Variants in GDPD4 observed in about 807,000 individuals in gnomAD.
GDPD4 encodes glycerophosphodiester phosphodiesterase 6.
Under a neutral mutation model 67.8 loss-of-function variants are expected in GDPD4, and 60 were observed. That is an observed-to-expected ratio of 0.88 (90% CI 0.72 to 1.10). GDPD4 has a LOEUF of 1.10. Ranked by LOEUF, GDPD4 falls within the 50% of genes least tolerant of loss-of-function variation. The probability of loss-of-function intolerance (pLI) is 0.00; values close to 1 mark genes in which losing one functional copy is unlikely to be tolerated. For missense variants in GDPD4, 623 were observed against 613.9 expected (o/e 1.01, Z -0.16); for synonymous variants, 212 against 210.9 (o/e 1.00, Z -0.04).
rs768058200 is a variant in GDPD4 at position 77,217,278 on chromosome 11, T to TATCTA, written c.1557_1561dup (p.Ter521LeufsTer4). 1.2e-6 allele frequency: 2 copies of TATCTA among 1,606,464 alleles called. No individual in the cohort carries two copies. The highest frequency in any genetic ancestry group is 1.7e-6 in the Non-Finnish European group (2 of 1,172,960). ...ATGGCTATGTGCAAATCTATCTATC[T>TATCTA]ATCTATCTTCCTCATTCTTACTTCC... On this transcript the variant is annotated frameshift_variant and stop_lost, in exon 17 of 17. Coordinates refer to ENST00000315938, the MANE Select transcript of GDPD4 (RefSeq NM_182833.3). LOFTEE classifies it high-confidence loss of function.
In GDPD4 at chr11:77,217,325, G is replaced by GA; in HGVS notation, c.1526-12dup. 1 of 1,593,086 alleles carries GA rather than the reference G, an allele frequency of 6.3e-7. No individual in the cohort carries two copies. The highest frequency in any genetic ancestry group is 1.7e-5 in the Admixed American group (1 of 60,004). On this transcript the variant is annotated splice_polypyrimidine_tract_variant and intron_variant, in intron 16 of 16. Coordinates refer to ENST00000315938, the MANE Select transcript of GDPD4 (RefSeq NM_182833.3). ...TTCCACTCTGAGTATCTGTGGGATG[G>GA]AAAAGACACAGATTCCTCAAATGTC...
At chr11:77,246,289 A>G (rs1214232424) in intron 11 of GDPD4, among the ~76,000 whole-genome samples, 1 of 152,216 alleles carries the variant, frequency 6.6e-6, no homozygotes, top group Non-Finnish European at 1.5e-5. Context: ...CCTGGGCAAT[A>G]GAGTGAGGCC....
chr11:77,279,930 A>C (rs535328236), intron 3 of GDPD4, among the ~76,000 whole-genome samples: 2 of 152,328 alleles, frequency 1.3e-5, no homozygotes, highest in East Asian at 3.9e-4. Flanking sequence ...GTATTACACA[A>C]AGAAATTTGA....
intron 16 of GDPD4, among the ~76,000 whole-genome samples, chr11:77,227,532 C>T (rs192991849): frequency 1.2e-4 from 19 of 152,330 alleles, no homozygotes; most frequent in African/African-American, 4.6e-4. Context: ...AGACATCTTT[C>T]GGTTATCTTC....
chr11:77,294,836 CATAT>C (rs937963054), intron 1 of GDPD4, among the ~76,000 whole-genome samples: 1 of 151,686 alleles, frequency 6.6e-6, no homozygotes. Context: ...GAAAAAGGCC[CATAT>C]ATATATGGTC....
intron 3 of GDPD4, among the ~76,000 whole-genome samples, chr11:77,282,373 G>A (rs1469250429): frequency 6.6e-6 from 1 of 151,938 alleles, no homozygotes; most frequent in African/African-American, 2.4e-5. Flanking sequence ...AAGAACACAG[G>A]GCTGGGTGCG....
At chr11:77,223,505 G>A (rs1330180754) in intron 16 of GDPD4, among the ~76,000 whole-genome samples, 1 of 152,174 alleles carries the variant, frequency 6.6e-6, no homozygotes, top group Admixed American at 6.5e-5. Context: ...CTGTTTGCCT[G>A]GGTATCACCA....
chr11:77,246,298 C>T (rs1047125891), intron 11 of GDPD4, among the ~76,000 whole-genome samples: 1 of 152,090 alleles, frequency 6.6e-6, no homozygotes, highest in Non-Finnish European at 1.5e-5. Flanking sequence ...TAGAGTGAGG[C>T]CCTATCTCTA....
chr11:77,257,442 C>CA (rs1959022315), intron 11 of GDPD4, among the ~76,000 whole-genome samples: 1 of 151,958 alleles, frequency 6.6e-6, no homozygotes, highest in Non-Finnish European at 1.5e-5. Flanking sequence ...TAAGCATTGC[C>CA]ATAATCTCCG....
chr11:77,263,998 T>C (rs1443816443), intron 10 of GDPD4, among the ~76,000 whole-genome samples: 1 of 152,158 alleles, frequency 6.6e-6, no homozygotes, highest in Non-Finnish European at 1.5e-5. Flanking sequence ...CTCCTATTGG[T>C]CCACACGAGG....
Position 77,224,919 on chromosome 11 carries a change from T to C in GDPD4, c.1525+2945A>G, listed in dbSNP as rs564028961. ...GAGTTTGAGATCAGCCTGGGCAACATAGTGAGATGCCATCTCTACCTTTTT... is the reference window on the plus strand; with the variant it reads ...GAGTTTGAGATCAGCCTGGGCAACACAGTGAGATGCCATCTCTACCTTTTT... On this transcript the variant is annotated intron_variant, in intron 16 of 16. Transcript: ENST00000315938. Among the ~76,000 whole-genome samples, 26 of 150,864 alleles carry C rather than the reference T, an allele frequency of 1.7e-4. No homozygotes were observed. The East Asian group carries it at 2.4e-3, about 14-fold the overall frequency.
intron 13 of GDPD4, among the ~76,000 whole-genome samples, chr11:77,238,168 G>C (rs1009218013): frequency 6.6e-5 from 10 of 152,096 alleles, no homozygotes; most frequent in African/African-American, 2.4e-4. Context: ...TAAACCCCTA[G>C]CAAGACTGAT....
Position 77,261,860 on chromosome 11 carries a change from G to A in GDPD4, c.708-3318C>T, listed in dbSNP as rs181518986. Among the ~76,000 whole-genome samples, 846 of 152,314 alleles carry A rather than the reference G, an allele frequency of 5.6e-3. 6 individuals are homozygous for A. Among genetic ancestry groups the A allele is most frequent in the Non-Finnish European group, 8.9e-3 (604 of 68,026 alleles). On this transcript the variant is annotated intron_variant, in intron 10 of 16. Coordinates refer to ENST00000315938, the MANE Select transcript of GDPD4 (RefSeq NM_182833.3). ...CCAAATTGTGGTATGCTGACATGCTGAAATAAAGAAGGCTGTTAGGCATAA... is the reference window on the plus strand; with the variant it reads ...CCAAATTGTGGTATGCTGACATGCTAAAATAAAGAAGGCTGTTAGGCATAA...
chr11:77,230,889 G>T (rs1005536011), intron 14 of GDPD4, among the ~76,000 whole-genome samples: 4 of 152,154 alleles, frequency 2.6e-5, no homozygotes, highest in Admixed American at 2.6e-4. Context: ...AACACTGTGA[G>T]AACTTTGAAA....
chr11:77,234,650 C>T (rs1467423688), intron 13 of GDPD4, among the ~76,000 whole-genome samples: 3 of 152,184 alleles, frequency 2.0e-5, no homozygotes, highest in East Asian at 1.9e-4. Context: ...CCTCCAGCTT[C>T]ATCTATGTGC....
Position 77,279,382 on chromosome 11 carries a change from G to T in GDPD4, c.71C>A (p.Thr24Lys), listed in dbSNP as rs375519795. The change falls in exon 4 of 17, where the codon ACA becomes AAA. Residue 24 changes from threonine to lysine, a missense_variant. Thr to Lys is a moderately conservative substitution (Grantham distance 78). Coordinates refer to ENST00000315938, the MANE Select transcript of GDPD4 (RefSeq NM_182833.3). ...FNFDWVTFLG[T>K]GYWFFWSIFI... Reference sequence around the variant, plus strand: ...AATAGACCAGAAAAACCAGTATCCTGTTCCTAGAAAAGTGACCCTGAAAAA... The same window carrying T: ...AATAGACCAGAAAAACCAGTATCCTTTTCCTAGAAAAGTGACCCTGAAAAA... The T allele has an allele frequency of 2.5e-6, 4 of 1,609,564 alleles. No homozygotes were observed. Among genetic ancestry groups the T allele is most frequent in the African/African-American group, 1.3e-5 (1 of 74,912 alleles).
At chr11:77,231,057 A>G (rs1047116158) in intron 14 of GDPD4, among the ~76,000 whole-genome samples, 1 of 152,176 alleles carries the variant, frequency 6.6e-6, no homozygotes, top group African/African-American at 2.4e-5. Flanking sequence ...GGCATCCTAG[A>G]CTATCCAGCC....
At chr11:77,245,570 C>T in intron 11 of GDPD4, 68 bp from the exon 12 acceptor site, 1 of 1,012,222 alleles carries the variant, frequency 9.9e-7, no homozygotes, top group Non-Finnish European at 1.5e-6. Flanking sequence ...AGCCACACAT[C>T]CAGCTCTACC....
intron 11 of GDPD4, among the ~76,000 whole-genome samples, chr11:77,251,009 AT>A (rs1188936833): frequency 1.3e-5 from 2 of 152,118 alleles, no homozygotes; most frequent in African/African-American, 4.8e-5. Flanking sequence ...TGGAATATCT[AT>A]CCCTTCACTT....
Sources: gnomAD v4.1 joint callset for allele counts (sites outside exome capture counted in the v4.1 genomes callset) on GRCh38, gnomAD v4.1.1 for gene constraint, MANE v1.5 for transcripts, NCBI Gene and HGNC (gene_info 2026-07-23, HGNC 2026-07-21) for gene names.